Variants in ERLIN1 observed in about 807,000 individuals in gnomAD.
ERLIN1 encodes the protein ER lipid raft associated 1.
Under a neutral mutation model 46.9 loss-of-function variants are expected in ERLIN1, and 24 were observed. That is an observed-to-expected ratio of 0.51 (90% CI 0.37 to 0.72). The LOEUF (loss-of-function observed/expected upper bound fraction) is 0.72. Ranked by LOEUF, ERLIN1 falls within the 30% of genes least tolerant of loss-of-function variation. The pLI is 0.00. For missense variants in ERLIN1, 293 were observed against 417.9 expected, an observed-to-expected ratio of 0.70 and a Z score of 2.61; for synonymous variants, 158 against 143.2, an observed-to-expected ratio of 1.10 and a Z score of -0.74.
At chr10:100,175,230 T>C (rs1028217214) in intron 5 of ERLIN1, among the ~76,000 whole-genome samples, 1 of 152,244 alleles carries the variant, frequency 6.6e-6, no homozygotes, top group Admixed American at 6.5e-5. Context: ...ACCTAGGAAC[T>C]TGGATTTGTA....
chr10:100,175,999 G>A lies in ERLIN1; in HGVS notation c.376C>T (p.Leu126=), dbSNP rs61871736. 4 of 1,613,164 alleles carry A rather than the reference G, an allele frequency of 2.5e-6. No homozygotes were observed. In the African/African-American group the frequency reaches 5.3e-5, roughly 22 times the overall value. ...GTGTGGGCACTGCAGAACTGGTTCA[G>A]CTCATGGTGGATTTTATTGAAGATT... ...TLIFNKIHHE[L]NQFCSAHTLQ... Residue 126 remains leucine (L), a synonymous_variant, in exon 5 of 11, where the codon CTG becomes TTG. Transcript: ENST00000421367.
intron 7 of ERLIN1, among the ~76,000 whole-genome samples, chr10:100,164,525 G>T (rs1049068355): frequency 1.3e-5 from 2 of 152,302 alleles, no homozygotes; most frequent in African/African-American, 4.8e-5. Context: ...CTGGGTTTCA[G>T]CCCCTGCCCT....
intron 8 of ERLIN1, among the ~76,000 whole-genome samples, chr10:100,158,288 TACAG>T (rs1436801350): frequency 3.3e-5 from 5 of 152,068 alleles, no homozygotes; most frequent in African/African-American, 1.2e-4. Context: ...AACACCCAAA[TACAG>T]ACAGAAACAT....
intron 8 of ERLIN1, among the ~76,000 whole-genome samples, chr10:100,160,891 G>A (rs1286597036): frequency 1.3e-5 from 2 of 152,172 alleles, no homozygotes; most frequent in Non-Finnish European, 2.9e-5. Flanking sequence ...AGGCTGCAGT[G>A]AACTGTGATT....
intron 5 of ERLIN1, 77 bp from the exon 6 acceptor site, chr10:100,174,358 AATC>A: frequency 9.7e-7 from 1 of 1,029,884 alleles, no homozygotes. Flanking sequence ...AAACAAAACT[AATC>A]ATTATTAGAC....
chr10:100,184,808 T>C (rs1051905733), intron 1 of ERLIN1, among the ~76,000 whole-genome samples: 1 of 152,184 alleles, frequency 6.6e-6, no homozygotes, highest in African/African-American at 2.4e-5. Context: ...TTTTGAGGGA[T>C]AGTGGAAACA....
intron 4 of ERLIN1, among the ~76,000 whole-genome samples, chr10:100,176,533 AAAG>A (rs1437941818): frequency 2.0e-5 from 3 of 152,210 alleles, no homozygotes; most frequent in Admixed American, 6.6e-5. Context: ...AGTAGAAATA[AAAG>A]AAGAAAGCAG....
chr10:100,152,347 C>T lies in ERLIN1; in HGVS notation c.831G>A (p.Lys277=). ...TGAGCTCCAGATATTCCGGGGTCAACTTGTGCTGTGTGGGAGCAAACAAGA... is the reference window on the plus strand; with the variant it reads ...TGAGCTCCAGATATTCCGGGGTCAATTTGTGCTGTGTGGGAGCAAACAAGA... ...AHKYATSNKH[K]LTPEYLELKK... is the part of the protein sequence containing the mutation. The change falls in exon 11 of 11, where the codon AAG becomes AAA. Residue 277 remains lysine (K), a synonymous_variant. Transcript: ENST00000421367. 1 of 1,605,802 alleles carries T rather than the reference C, an allele frequency of 6.2e-7. No homozygotes were observed. The highest frequency in any genetic ancestry group is 8.5e-7 in the Non-Finnish European group (1 of 1,172,178).
At chr10:100,181,403 T>C (rs2134178766) in intron 2 of ERLIN1, among the ~76,000 whole-genome samples, 1 of 152,306 alleles carries the variant, frequency 6.6e-6, no homozygotes, top group African/African-American at 2.4e-5. Context: ...TTATATACAT[T>C]CCTTTCAATT....
At position 100,185,846 on chromosome 10, in the gene ERLIN1, C is replaced by G; in HGVS notation, c.-220G>C. On this transcript the variant is annotated 5_prime_UTR_variant, in exon 1 of 11. Transcript: ENST00000421367. ...CGGAGGCCAGTGGGCCGCCCCTGCTCGGTGAGCTTCCTGAAACTCCCTCTC... is the reference window on the plus strand; with the variant it reads ...CGGAGGCCAGTGGGCCGCCCCTGCTGGGTGAGCTTCCTGAAACTCCCTCTC... 1.7e-6 allele frequency: 1 copy of G among 572,238 alleles called. No homozygotes were observed. The highest frequency in any genetic ancestry group is 3.1e-6 in the Non-Finnish European group (1 of 320,752). The allele number at this position is 572,238 out of a possible 1,614,324, so 35.4% of individuals were successfully genotyped here. A position where few individuals can be genotyped will look rare whatever the true frequency, so the allele number is the denominator to read the frequency against.
intron 2 of ERLIN1, 38 bp from the exon 3 acceptor site, chr10:100,179,285 C>T (rs376147639): frequency 2.6e-5 from 39 of 1,494,452 alleles, no homozygotes; most frequent in Non-Finnish European, 3.3e-5. Context: ...ACTCAAGACA[C>T]ACATTGTCAA....
chr10:100,169,582 A>C (rs1426299926), intron 6 of ERLIN1, among the ~76,000 whole-genome samples: 1 of 152,030 alleles, frequency 6.6e-6, no homozygotes, highest in African/African-American at 2.4e-5. Flanking sequence ...TGTAGATATA[A>C]GATAAATCTA....
At chr10:100,154,251 TC>T (rs1039023968) in intron 10 of ERLIN1, among the ~76,000 whole-genome samples, 1 of 152,192 alleles carries the variant, frequency 6.6e-6, no homozygotes, top group African/African-American at 2.4e-5. Context: ...CACCTATATA[TC>T]ACCCAACCTG....
intron 9 of ERLIN1, 92 bp from the exon 10 acceptor site, chr10:100,155,031 CACATTGAAAGTTT>C: frequency 9.3e-7 from 1 of 1,077,286 alleles, no homozygotes. Context: ...CTGCTTATTT[CACATTGAAAGTTT>C]TAAAAACCTA....
chr10:100,151,867 T>G lies in ERLIN1; in HGVS notation c.*264A>C, dbSNP rs1589503520. 2.0e-6 allele frequency: 1 copy of G among 501,756 alleles called. No homozygotes were observed. Among genetic ancestry groups the G allele is most frequent in the Non-Finnish European group, 3.7e-6 (1 of 273,938 alleles). 31.1% of individuals were successfully genotyped at this position (501,756 alleles called of 1,614,324 possible). On this transcript the variant is annotated 3_prime_UTR_variant, in exon 11 of 11. Coordinates refer to ENST00000421367, the MANE Select transcript of ERLIN1 (RefSeq NM_006459.4). Reference sequence around the variant, plus strand: ...TAACATTCCAGTGCAGGCAGTATCTTAGCATCAGACTTTCCTCATTCATGA... The same window carrying G: ...TAACATTCCAGTGCAGGCAGTATCTGAGCATCAGACTTTCCTCATTCATGA...
At chr10:100,183,342 T>C (rs1244923342) in intron 2 of ERLIN1, among the ~76,000 whole-genome samples, 1 of 152,214 alleles carries the variant, frequency 6.6e-6, no homozygotes, top group East Asian at 1.9e-4. Flanking sequence ...GCAGAAAGGC[T>C]GTGTATAAAA....
rs1054607815 is a variant in ERLIN1, at chr10:100,172,122, T to C, written c.504+2086A>G. Among the ~76,000 whole-genome samples, 19 of 152,232 alleles carry C rather than the reference T, an allele frequency of 1.2e-4. 1 individual carries two copies. Among genetic ancestry groups the C allele is most frequent in the African/African-American group, 4.6e-4 (19 of 41,470 alleles). ...ATATATAAGCTTGGTCATTCCAACATGCATACAGTAGTAAAAAATTTGAAA... is the reference window on the plus strand; with the variant it reads ...ATATATAAGCTTGGTCATTCCAACACGCATACAGTAGTAAAAAATTTGAAA... On this transcript the variant is annotated intron_variant, in intron 6 of 10. Transcript: ENST00000421367.
At chr10:100,161,265 T>A (rs548473607) in intron 8 of ERLIN1, among the ~76,000 whole-genome samples, 1 of 152,320 alleles carries the variant, frequency 6.6e-6, no homozygotes, top group South Asian at 2.1e-4. Context: ...AATAAGAGCA[T>A]CTTCAGCAAT....
intron 8 of ERLIN1, among the ~76,000 whole-genome samples, chr10:100,156,492 T>G (rs1299839936): frequency 6.6e-6 from 1 of 152,194 alleles, no homozygotes; most frequent in Admixed American, 6.5e-5. Context: ...CAGTCCTTCA[T>G]GCAACTCTGT....
Sources: allele counts gnomAD v4.1 joint callset (sites outside exome capture counted in the v4.1 genomes callset), GRCh38; gene constraint gnomAD v4.1.1; transcripts MANE v1.5; gene names NCBI Gene and HGNC (gene_info 2026-07-23, HGNC 2026-07-21).